The following CDH17 variants were observed in gnomAD, a reference collection of about 807,000 sequenced individuals.
CDH17 encodes the protein cadherin 17, also known as cadherin-17.
Under a neutral mutation model 86.3 loss-of-function variants are expected in CDH17, and 67 were observed. The observed-to-expected ratio is 0.78, with a 90% CI of 0.64 to 0.95. CDH17 has a LOEUF of 0.95. Among genes scored for constraint, CDH17 ranks in the 40% least tolerant of loss-of-function variants. The probability of loss-of-function intolerance (pLI) is 0.00; values close to 1 mark genes in which losing one functional copy is unlikely to be tolerated. For missense variants in CDH17, 993 were observed against 1,017.6 expected (o/e 0.98, Z 0.33); for synonymous variants, 367 against 366.4 (o/e 1.00, Z -0.02).
intron 2 of CDH17, among the ~76,000 whole-genome samples, chr8:94,191,449 CT>C (rs34208252): frequency 0.13 from 15,344 of 119,712 alleles, 1,083 homozygotes; most frequent in African/African-American, 0.32. Context: ...CAAGAAAATG[CT>C]TTTTTTTTTT....
At chr8:94,128,545 T>C (rs1044054833) in intron 17 of CDH17, among the ~76,000 whole-genome samples, 4 of 152,174 alleles carry the variant, frequency 2.6e-5, no homozygotes, top group Admixed American at 6.5e-5. Context: ...TCCTGTTGTA[T>C]GTATGTATCA....
At chr8:94,208,901 A>T (rs1814079586), upstream of CDH17, among the ~76,000 whole-genome samples, 1 of 152,220 alleles carries the variant, frequency 6.6e-6, no homozygotes. Flanking sequence ...CCCAACACTT[A>T]GCACAGGAGA....
At chr8:94,193,642 T>G (rs1452904900) in intron 2 of CDH17, among the ~76,000 whole-genome samples, 1 of 152,102 alleles carries the variant, frequency 6.6e-6, no homozygotes, top group South Asian at 2.1e-4. Flanking sequence ...CAAAGGGCAT[T>G]TGAGGGGGTA....
intron 15 of CDH17, among the ~76,000 whole-genome samples, chr8:94,134,539 TTC>T (rs1309684058): frequency 6.6e-6 from 1 of 152,214 alleles, no homozygotes; most frequent in African/African-American, 2.4e-5. Context: ...TATTTGATTC[TTC>T]TCTCTTTTCT....
At chr8:94,208,013 C>G (rs1321551107) in intron 1 of CDH17, among the ~76,000 whole-genome samples, 1 of 152,134 alleles carries the variant, frequency 6.6e-6, no homozygotes, top group African/African-American at 2.4e-5. Context: ...TTGCTGTGTC[C>G]TAGACAATTC....
Position 94,151,869 on chromosome 8 carries a change from T to C in CDH17, c.1795A>G (p.Ser599Gly). The C allele has an allele frequency of 6.2e-7, 1 of 1,614,170 alleles. No individual in the cohort carries two copies. Residue 599 changes from serine to glycine, a missense_variant and splice_region_variant, in exon 13 of 18, where the codon AGC (serine) becomes GGC (glycine). Coordinates refer to ENST00000027335, the MANE Select transcript of CDH17 (RefSeq NM_004063.4). Reference protein sequence around the residue: ...TAKDPEGLDISYSLRGDTRGW... With the variant: ...TAKDPEGLDIGYSLRGDTRGW... Reference sequence around the variant, plus strand: ...CTGCCCAGCACTGTTGCCCTTTACCTTATGTCCAGACCTTCTGGATCCTTG... The same window carrying C: ...CTGCCCAGCACTGTTGCCCTTTACCCTATGTCCAGACCTTCTGGATCCTTG...
Position 94,160,028 on chromosome 8 carries a change from T to TC in CDH17, c.1493dup (p.Arg499ThrfsTer5). ...GGGGATCTGTGTCAACCCCCAGGCG[T>TC]CCCTCACTGTCTCCCTTTATGATAT... On this transcript the variant is annotated frameshift_variant, in exon 12 of 18. Transcript: ENST00000027335. LOFTEE classifies it high-confidence loss of function. 1 of 1,613,776 alleles carries TC rather than the reference T, an allele frequency of 6.2e-7. No individual in the cohort carries two copies. Among genetic ancestry groups the TC allele is most frequent in the Non-Finnish European group, 8.5e-7 (1 of 1,179,806 alleles).
chr8:94,145,440 G>A (rs1245354910), intron 15 of CDH17, among the ~76,000 whole-genome samples: 1 of 152,152 alleles, frequency 6.6e-6, no homozygotes, highest in Non-Finnish European at 1.5e-5. Flanking sequence ...GTAATGGAAA[G>A]CACTTCAATG....
intron 1 of CDH17, among the ~76,000 whole-genome samples, chr8:94,214,196 A>G (rs1443618475): frequency 6.6e-6 from 1 of 151,996 alleles, no homozygotes; most frequent in Non-Finnish European, 1.5e-5. Context: ...GGTGGTCATC[A>G]CCACTTAGCC....
intron 7 of CDH17, 108 bp downstream of exon 7, chr8:94,173,689 G>T: frequency 1.2e-6 from 1 of 845,100 alleles, no homozygotes; most frequent in South Asian, 1.5e-5. Context: ...ATCATGCTAT[G>T]AAAAAGGTAT....
chr8:94,199,199 A>T (rs563214809), intron 1 of CDH17, among the ~76,000 whole-genome samples: 55 of 151,458 alleles, frequency 3.6e-4, no homozygotes, highest in African/African-American at 1.3e-3. Flanking sequence ...CCTTGCATAT[A>T]TCAAGCCATC....
At chr8:94,177,376 G>T (rs1034537174) in intron 4 of CDH17, among the ~76,000 whole-genome samples, 1 of 152,174 alleles carries the variant, frequency 6.6e-6, no homozygotes, top group Non-Finnish European at 1.5e-5. Context: ...GTGGGGTTAC[G>T]TTGGTTAAAA....
At chr8:94,215,774 C>A (rs541531461) in intron 1 of CDH17, among the ~76,000 whole-genome samples, 4 of 152,012 alleles carry the variant, frequency 2.6e-5, no homozygotes, top group African/African-American at 7.3e-5. Context: ...TTTCAGTTAC[C>A]TCGGTCTAGG....
At chr8:94,209,923 T>G (rs1222956683), upstream of CDH17, among the ~76,000 whole-genome samples, 4 of 41,948 alleles carry the variant, frequency 9.5e-5, no homozygotes, top group South Asian at 9.1e-4. Context: ...ATTTATGAGT[T>G]TTTTTTTTTC....
rs758545974 is a variant in CDH17, at chr8:94,165,774, C to T, written c.1269G>A (p.Glu423=). ...QDTPQYNLTI[E]VSDKDFKTLC... Reference sequence around the variant, plus strand: ...TATGATACTAACCTTTGTCAGACACCTCTATCGTTAAGTTGTACTGAGGAG... The same window carrying T: ...TATGATACTAACCTTTGTCAGACACTTCTATCGTTAAGTTGTACTGAGGAG... The change falls in exon 10 of 18, where the codon GAG becomes GAA. Residue 423 remains glutamate (E), a synonymous_variant. Transcript: ENST00000027335. 1.9e-6 allele frequency: 3 copies of T among 1,609,868 alleles called. No individual in the cohort carries two copies. In the African/African-American group the frequency reaches 4.0e-5, roughly 22 times the overall value.
In CDH17 at chr8:94,189,238, G is replaced by A; in HGVS notation, c.99C>T (p.Pro33=). The change falls in exon 3 of 18, where the codon CCC becomes CCT. Residue 33 remains proline (P), a synonymous_variant. Coordinates refer to ENST00000027335, the MANE Select transcript of CDH17 (RefSeq NM_004063.4). The part of the protein sequence containing the change: ...QEGKFSGPLK[P]MTFSIYEGQE... The stretch of plus-strand genomic sequence containing the variant: ...GGCCTTCATAAATAGAAAATGTCAT[G>A]GGTTTCAGGGGTCCACTAAACTTCC... 6.2e-7 allele frequency: 1 copy of A among 1,612,712 alleles called. No individual in the cohort carries two copies. The highest frequency in any genetic ancestry group is 8.5e-7 in the Non-Finnish European group (1 of 1,179,696).
At chr8:94,138,235 A>G (rs1164613110) in intron 15 of CDH17, among the ~76,000 whole-genome samples, 1 of 152,208 alleles carries the variant, frequency 6.6e-6, no homozygotes, top group East Asian at 1.9e-4. Flanking sequence ...AAAAATTATT[A>G]TGGCCCACCT....
At chr8:94,177,503 G>T in intron 4 of CDH17, 84 bp downstream of exon 4, 1 of 1,415,892 alleles carries the variant, frequency 7.1e-7, no homozygotes, top group Non-Finnish European at 9.9e-7. Flanking sequence ...TTCTGTGCAA[G>T]GAAGGAAGGT....
rs1281293711 is a variant in CDH17 at position 94,162,048 on chromosome 8, ATAAAG to A, written c.1359+33_1359+37del. ...CAGAAGAAAGGGTGAAGTAAAATGA[ATAAAG>A]TAAAGAAAAAACAAATAATGACAAC... On this transcript the variant is annotated intron_variant, in intron 11 of 17. Transcript: ENST00000027335. The A allele has an allele frequency of 4.0e-6, 5 of 1,249,098 alleles. No homozygotes were observed. In the African/African-American group the frequency reaches 4.6e-5, roughly 11 times the overall value. 77.4% of individuals were successfully genotyped at this position (1,249,098 alleles called of 1,614,324 possible). A position where few individuals can be genotyped will look rare whatever the true frequency, so the allele number is the denominator to read the frequency against.
Sources: gnomAD v4.1 joint callset for allele counts (sites outside exome capture counted in the v4.1 genomes callset) on GRCh38, gnomAD v4.1.1 for gene constraint, MANE v1.5 for transcripts, NCBI Gene and HGNC (gene_info 2026-07-23, HGNC 2026-07-21) for gene names.